RNF25: variants seen among roughly 807,000 people sequenced by gnomAD.
RNF25 encodes E3 ubiquitin-protein ligase RNF25.
A neutral mutation model predicts 65.0 loss-of-function variants in RNF25; 32 were observed. That is an observed-to-expected ratio of 0.49 (90% CI 0.37 to 0.66). RNF25 has a LOEUF of 0.66. Ranked by LOEUF, RNF25 falls within the 30% of genes least tolerant of loss-of-function variation. The pLI is 0.00. For synonymous variants in RNF25, 207 were observed against 221.2 expected (o/e 0.94, Z 0.57); for missense variants, 493 against 584.8 (o/e 0.84, Z 1.62).
In RNF25 at chr2:218,663,944, C is replaced by G. The variant is rs775520101; in HGVS notation, c.*13G>C. 7.7e-6 allele frequency: 11 copies of G among 1,426,266 alleles called. No homozygotes were observed. The highest frequency in any genetic ancestry group is 9.2e-6 in the Non-Finnish European group (10 of 1,086,980). 88.4% of individuals were successfully genotyped at this position (1,426,266 alleles called of 1,614,324 possible). ...TCCCATCCCCAATTCCCTGTTCCCC[C>G]CACCAAGTCCTGCTAGGAACCATCC... is the stretch of plus-strand genomic sequence containing the variant. On this transcript the variant is annotated 3_prime_UTR_variant, in exon 10 of 10. Coordinates refer to ENST00000295704, the MANE Select transcript of RNF25 (RefSeq NM_022453.3).
chr2:218,664,935 T>G lies in RNF25; in HGVS notation c.667-62A>C. ...GCAGAAGGCTGACTCAAACCTCTACTCCTCCCAGGCTGCCTCAGGAGATCT... is the reference window on the plus strand; with the variant it reads ...GCAGAAGGCTGACTCAAACCTCTACGCCTCCCAGGCTGCCTCAGGAGATCT... On this transcript the variant is annotated intron_variant, in intron 8 of 9. Transcript: ENST00000295704. The surrounding 1 kb of genome is among the most constrained non-coding windows in gnomAD (Gnocchi z 5.1). 1 of 1,601,086 alleles carries G rather than the reference T, an allele frequency of 6.2e-7. No individual in the cohort carries two copies. The highest frequency in any genetic ancestry group is 8.5e-7 in the Non-Finnish European group (1 of 1,173,326).
intron 5 of RNF25, among the ~76,000 whole-genome samples, chr2:218,666,533 T>G (rs2069333): frequency 0.12 from 17,671 of 152,110 alleles, 1,996 homozygotes; most frequent in African/African-American, 0.3. Context: ...AGAAAAAAAA[T>G]GTTCAATTAA....
intron 1 of RNF25, among the ~76,000 whole-genome samples, chr2:218,669,195 A>T (rs1329059268): frequency 6.6e-6 from 1 of 152,216 alleles, no homozygotes; most frequent in Non-Finnish European, 1.5e-5. Context: ...CAACATATTT[A>T]GGGTGGTATA....
At chr2:218,669,456 A>T (rs536499866) in intron 1 of RNF25, among the ~76,000 whole-genome samples, 13 of 152,276 alleles carry the variant, frequency 8.5e-5, no homozygotes, top group African/African-American at 3.1e-4. Flanking sequence ...TCTGTATATA[A>T]CCTTCTCCCT....
At position 218,664,463 on chromosome 2, in the gene RNF25, C is replaced by T. The variant is rs552549202; in HGVS notation, c.874G>A (p.Ala292Thr). ...KGSQPPSTLA[A>T]ELSTSPAVQS... Reference sequence around the variant, plus strand: ...ACGGCTGGTGAGGTGGATAGTTCTGCTGCAAGGGTGCTGGGTGGTTGGGAT... The same window carrying T: ...ACGGCTGGTGAGGTGGATAGTTCTGTTGCAAGGGTGCTGGGTGGTTGGGAT... The change falls in exon 10 of 10, where the codon GCA becomes ACA. Residue 292 changes from alanine to threonine, a missense_variant. By Grantham distance (58) the Ala-to-Thr change is moderately conservative. Around this residue, in one of 3 missense-constraint regions of RNF25, gnomAD observed 351 missense variants for 400.2 expected, o/e 0.88. Coordinates refer to ENST00000295704, the MANE Select transcript of RNF25 (RefSeq NM_022453.3). This position sits in a 1 kb window ranked among gnomAD's most constrained non-coding sequence, Gnocchi z 5.1. 32 of 1,614,166 alleles carry T rather than the reference C, an allele frequency of 2.0e-5. No homozygotes were observed. The South Asian group carries it at 3.3e-4, about 17-fold the overall frequency.
At position 218,666,179 on chromosome 2, in the gene RNF25, T is replaced by C. The variant is rs763597565; in HGVS notation, c.409A>G (p.Ile137Val). The change falls in exon 6 of 10, where the codon ATC (isoleucine) becomes GTC (valine). Residue 137 changes from isoleucine (I) to valine (V), a missense_variant. Physicochemically the swap from Ile to Val is conservative, Grantham distance 29. Around this residue, in one of 3 missense-constraint regions of RNF25, gnomAD observed 108 missense variants for 166.0 expected, o/e 0.65. Transcript: ENST00000295704. The part of the protein sequence containing the change: ...DNNIPHGQCV[I>V]CLYGFQEKEA... ...CCCACCTGGAAACCATAGAGGCAGA[T>C]GACACACTGGCCATGAGGGATGTTG... The C allele has an allele frequency of 1.3e-4, 207 of 1,613,998 alleles. No individual in the cohort carries two copies. The highest frequency in any genetic ancestry group is 1.6e-4 in the Non-Finnish European group (190 of 1,180,000).
Position 218,664,118 on chromosome 2 carries a change from GC to G in RNF25, c.1218del (p.Trp406CysfsTer?). ...CGAGTCCTGCGGGGTGGGGGCCCCT[GC>G]CAGCTGCCAGGCCCCTTCTCTTGTG... ...GPPQEKGPGS[W>X]QGPPPRRTRD... is the part of the protein sequence containing the mutation. On this transcript the variant is annotated frameshift_variant, in exon 10 of 10. Transcript: ENST00000295704. LOFTEE classifies it high-confidence loss of function. The surrounding 1 kb of genome is among the most constrained non-coding windows in gnomAD (Gnocchi z 5.1). 1 of 1,523,336 alleles carries G rather than the reference GC, an allele frequency of 6.6e-7. No homozygotes were observed. The highest frequency in any genetic ancestry group is 8.8e-7 in the Non-Finnish European group (1 of 1,138,058). 94.4% of individuals were successfully genotyped at this position (1,523,336 alleles called of 1,614,324 possible).
rs1939825630 is a variant in RNF25, at chr2:218,666,296, A to G, written c.358-66T>C. On this transcript the variant is annotated intron_variant, in intron 5 of 9. Coordinates refer to ENST00000295704, the MANE Select transcript of RNF25 (RefSeq NM_022453.3). ...GAACGGTGAGCAAGGCCTGTCTACT[A>G]CTCCTAGGAGTGACTGGCTAGACTT... 3 of 1,323,326 alleles carry G rather than the reference A, an allele frequency of 2.3e-6. No individual in the cohort carries two copies. The Admixed American group carries it at 5.6e-5, about 25-fold the overall frequency. 82.0% of individuals were successfully genotyped at this position (1,323,326 alleles called of 1,614,324 possible).
chr2:218,663,944 C>T lies in RNF25; in HGVS notation c.*13G>A. ...TCCCATCCCCAATTCCCTGTTCCCC[C>T]CACCAAGTCCTGCTAGGAACCATCC... On this transcript the variant is annotated 3_prime_UTR_variant, in exon 10 of 10. Transcript: ENST00000295704. 7.0e-7 allele frequency: 1 copy of T among 1,426,384 alleles called. No homozygotes were observed. The highest frequency in any genetic ancestry group is 9.2e-7 in the Non-Finnish European group (1 of 1,086,972). 88.4% of individuals were successfully genotyped at this position (1,426,384 alleles called of 1,614,324 possible).
In RNF25 at chr2:218,665,201, T is replaced by G. The variant is rs112523387; in HGVS notation, c.620A>C (p.Tyr207Ser). 7,325 of 1,614,186 alleles carry G rather than the reference T, an allele frequency of 4.5e-3. 21 individuals are homozygous for G. Among genetic ancestry groups the G allele is most frequent in the Non-Finnish European group, 5.6e-3 (6,603 of 1,180,036 alleles). The change falls in exon 8 of 10, where the codon TAT (tyrosine) becomes TCT (serine). Residue 207 changes from tyrosine to serine, a missense_variant. Tyr to Ser is a moderately radical substitution (Grantham distance 144, BLOSUM62 -2). This residue lies in a region of RNF25 where 351 missense variants were observed against 400.2 expected (regional missense o/e 0.88). Transcript: ENST00000295704. ...QCPVCREPLV[Y>S]DLASLKAAPE... is the part of the protein sequence containing the mutation. ...GGCTGCTTTCAGTGAGGCAAGATCATACACGAGGGGCTCTCTGCACACTGG... is the reference window on the plus strand; with the variant it reads ...GGCTGCTTTCAGTGAGGCAAGATCAGACACGAGGGGCTCTCTGCACACTGG...
In RNF25 at chr2:218,665,532, C is replaced by A. The variant is rs985209094; in HGVS notation, c.574-285G>T. 2.6e-5 allele frequency among the ~76,000 whole-genome samples: 4 copies of A among 152,062 alleles called. No homozygotes were observed. In the East Asian group the frequency reaches 7.7e-4, roughly 29 times the overall value. On this transcript the variant is annotated intron_variant, in intron 7 of 9. Coordinates refer to ENST00000295704, the MANE Select transcript of RNF25 (RefSeq NM_022453.3). ...CGAGGCGGGCGGGATCACTTGAGGT[C>A]ATGAGTTTGAGACCAGCCTGGCCAA...
rs1478824946 is a variant in RNF25 at position 218,664,944 on chromosome 2, G to T, written c.667-71C>A. 5 of 1,588,136 alleles carry T rather than the reference G, an allele frequency of 3.1e-6. No homozygotes were observed. The African/African-American group carries it at 5.4e-5, about 17-fold the overall frequency. ...TGACTCAAACCTCTACTCCTCCCAG[G>T]CTGCCTCAGGAGATCTGCACTGGTT... On this transcript the variant is annotated intron_variant, in intron 8 of 9. Coordinates refer to ENST00000295704, the MANE Select transcript of RNF25 (RefSeq NM_022453.3). The surrounding 1 kb of genome is among the most constrained non-coding windows in gnomAD (Gnocchi z 5.1).
At chr2:218,668,056 C>G in intron 4 of RNF25, 23 bp downstream of exon 4, 1 of 1,613,556 alleles carries the variant, frequency 6.2e-7, no homozygotes, top group South Asian at 1.1e-5. Flanking sequence ...TGAGTTTTCC[C>G]TGTTCTGACA....
At position 218,664,524 on chromosome 2, in the gene RNF25, A is replaced by C. The variant is rs2303562; in HGVS notation, c.813T>G (p.Pro271=). The change falls in exon 10 of 10, where the codon CCT becomes CCG. Residue 271 remains proline (P), a synonymous_variant. Transcript: ENST00000295704. The surrounding 1 kb of genome is among the most constrained non-coding windows in gnomAD (Gnocchi z 5.1). ...YFISLQQPPA[P]AEPESAVDVS... ...CATCTACAGCTGACTCAGGTTCCGC[A>C]GGGGCAGGAGGCTAGAAATAAGTGA... 63,463 of 1,612,100 alleles carry C rather than the reference A, an allele frequency of 0.039. 1,641 individuals are homozygous for C. Among genetic ancestry groups the C allele is most frequent in the East Asian group, 0.11 (5,079 of 44,840 alleles).
At chr2:218,669,666 C>G (rs1939905441) in intron 1 of RNF25, among the ~76,000 whole-genome samples, 1 of 152,200 alleles carries the variant, frequency 6.6e-6, no homozygotes, top group African/African-American at 2.4e-5. Flanking sequence ...TACAGCTCTA[C>G]CAAGTGATAC....
chr2:218,667,196 TAAAC>T (rs149607829), intron 5 of RNF25, among the ~76,000 whole-genome samples: 8,419 of 150,798 alleles, frequency 0.056, 656 homozygotes, highest in African/African-American at 0.18. Flanking sequence ...AATTAATAAA[TAAAC>T]AAACTAGGGG....
chr2:218,664,028 G>T lies in RNF25; in HGVS notation c.1309C>A (p.Arg437=), dbSNP rs559475750. The part of the protein sequence containing the change: ...TPGSSYPRLP[R]GQGAYRPGTR... ...CCAGGCCGGTATGCTCCCTGGCCCC[G>T]AGGCAGGCGAGGGTAGGAAGAACCG... Residue 437 remains arginine (R), a synonymous_variant, in exon 10 of 10, where the codon CGG becomes AGG. Coordinates refer to ENST00000295704, the MANE Select transcript of RNF25 (RefSeq NM_022453.3). This position sits in a 1 kb window ranked among gnomAD's most constrained non-coding sequence, Gnocchi z 5.1. The T allele has an allele frequency of 6.7e-7, 1 of 1,491,356 alleles. No homozygotes were observed. The highest frequency in any genetic ancestry group is 8.9e-7 in the Non-Finnish European group (1 of 1,120,294). 92.4% of individuals were successfully genotyped at this position (1,491,356 alleles called of 1,614,324 possible).
At chr2:218,670,923 AG>A (rs1375762704) in intron 1 of RNF25, among the ~76,000 whole-genome samples, 5 of 152,170 alleles carry the variant, frequency 3.3e-5, no homozygotes, top group Non-Finnish European at 5.9e-5. Context: ...CTGTAATTCC[AG>A]CACCTTGGGA....
chr2:218,668,669 AG>A lies in RNF25; in HGVS notation c.51del (p.Ser18LeufsTer11). On this transcript the variant is annotated frameshift_variant, in exon 2 of 10. Transcript: ENST00000295704. LOFTEE classifies it high-confidence loss of function. ...AAAGEEDWVL[P>X]SEVEVLESIY... ...ATGGACTCCAATACTTCAACTTCAGAGGGAAGGACCCTAGAGAGACAGGAGT... is the reference window on the plus strand; with the variant it reads ...ATGGACTCCAATACTTCAACTTCAGAGGAAGGACCCTAGAGAGACAGGAGT... 6.2e-7 allele frequency: 1 copy of A among 1,609,170 alleles called. No homozygotes were observed. Among genetic ancestry groups the A allele is most frequent in the Non-Finnish European group, 8.5e-7 (1 of 1,175,804 alleles).
Sources: gnomAD v4.1 joint callset for allele counts (sites outside exome capture counted in the v4.1 genomes callset) on GRCh38, gnomAD v4.1.1 for gene constraint, gnomAD v4.1.1 regional missense constraint, Gnocchi (gnomAD v3.1) non-coding constraint, MANE v1.5 for transcripts, NCBI Gene and HGNC (gene_info 2026-07-23, HGNC 2026-07-21) for gene names.